PACRG: variants seen among roughly 807,000 people sequenced by gnomAD.
PACRG encodes the protein parkin coregulated, also known as parkin coregulated gene protein.
In PACRG, 29 loss-of-function variants were observed where a neutral mutation model predicts 29.7. The observed-to-expected ratio is 0.98, with a 90% CI of 0.73 to 1.33. The LOEUF is 1.33. Ranked by LOEUF, PACRG falls within the 40% of genes most tolerant of loss-of-function variation. PACRG has a pLI of 0.00. For missense variants in PACRG, 279 were observed against 316.2 expected (o/e 0.88, Z 0.89); for synonymous variants, 116 against 118.7 (o/e 0.98, Z 0.15).
At chr6:163,066,147 T>G (rs1811523737) in intron 3 of PACRG, among the ~76,000 whole-genome samples, 1 of 152,122 alleles carries the variant, frequency 6.6e-6, no homozygotes, top group Non-Finnish European at 1.5e-5. Flanking sequence ...GCCAAAAACT[T>G]TAAATTATAA....
chr6:162,948,551 A>T (rs540528668), intron 2 of PACRG, among the ~76,000 whole-genome samples: 1 of 152,290 alleles, frequency 6.6e-6, no homozygotes, highest in African/African-American at 2.4e-5. Flanking sequence ...ACTATATCAA[A>T]CTAAAACCTT....
chr6:162,744,159 G>A (rs577412553), intron 1 of PACRG, among the ~76,000 whole-genome samples: 3 of 152,054 alleles, frequency 2.0e-5, no homozygotes, highest in Non-Finnish European at 2.9e-5. Flanking sequence ...AAGTTTATTA[G>A]AGTTTTGGTC....
chr6:163,118,440 A>G (rs79497458), intron 4 of PACRG, among the ~76,000 whole-genome samples: 2,977 of 152,322 alleles, frequency 0.02, 102 homozygotes, highest in African/African-American at 0.068. Flanking sequence ...GTGTGATAGA[A>G]CATTACTAAT....
At chr6:163,198,280 C>T (rs1307760398) in intron 4 of PACRG, among the ~76,000 whole-genome samples, 1 of 152,066 alleles carries the variant, frequency 6.6e-6, no homozygotes, top group Non-Finnish European at 1.5e-5. Context: ...TATAATGAGT[C>T]AAGATAGCTC....
intron 2 of PACRG, among the ~76,000 whole-genome samples, chr6:162,967,330 A>G (rs1318561642): frequency 6.6e-6 from 1 of 152,046 alleles, no homozygotes; most frequent in Non-Finnish European, 1.5e-5. Flanking sequence ...TTTATTTCCT[A>G]TAGAAATCTG....
At chr6:162,732,522 G>A (rs938815881) in intron 1 of PACRG, among the ~76,000 whole-genome samples, 9 of 152,164 alleles carry the variant, frequency 5.9e-5, no homozygotes, top group Non-Finnish European at 1.2e-4. Flanking sequence ...CTGTAGCCAA[G>A]GAATATTGGG....
At chr6:163,023,383 C>T (rs925705307) in intron 2 of PACRG, among the ~76,000 whole-genome samples, 9 of 152,186 alleles carry the variant, frequency 5.9e-5, no homozygotes, top group East Asian at 3.9e-4. Context: ...GCTCTATTTA[C>T]GTTGCTGCAA....
intron 2 of PACRG, among the ~76,000 whole-genome samples, chr6:163,057,447 A>T (rs1181301376): frequency 2.0e-5 from 3 of 152,008 alleles, no homozygotes; most frequent in African/African-American, 7.3e-5. Context: ...ACAGAGTCTC[A>T]CTCTGTCACC....
At position 163,287,834 on chromosome 6, in the gene PACRG, C is replaced by A. The variant is rs543262176; in HGVS notation, c.614-26993C>A. ...GAAACCTCAGAACGGTGTGGCCCGA[C>A]CGTGGCCATGCTGAGGGTTTTGTGG... On this transcript the variant is annotated intron_variant, in intron 4 of 4. Transcript: ENST00000366888. Among the ~76,000 whole-genome samples, 54 of 152,274 alleles carry A rather than the reference C, an allele frequency of 3.5e-4. 2 individuals are homozygous for A. The South Asian group carries it at 0.01, about 29-fold the overall frequency.
At chr6:163,191,476 G>A (rs886835669) in intron 4 of PACRG, 3 of 351,852 alleles carry the variant, frequency 8.5e-6, no homozygotes, top group African/African-American at 6.4e-5. Context: ...ACCCTTGGGG[G>A]AGGTCACAGC....
chr6:162,895,838 ACCT>A (rs1158019996), intron 2 of PACRG, among the ~76,000 whole-genome samples: 2 of 152,156 alleles, frequency 1.3e-5, no homozygotes, highest in Non-Finnish European at 2.9e-5. Context: ...TGTTCTGGTC[ACCT>A]CCTCGGTGAA....
rs980763949 is a variant in PACRG at position 163,095,231 on chromosome 6, A to G, written c.613+5823A>G. On this transcript the variant is annotated intron_variant, in intron 4 of 4. Coordinates refer to ENST00000366888, the MANE Select transcript of PACRG (RefSeq NM_001080379.2). ...GCCTTTCCTCTTCACTGAGACTGCT[A>G]CATTTGAGTCTATTTTCAACCCAAA... 1.0e-5 allele frequency: 10 copies of G among 981,848 alleles called. No individual in the cohort carries two copies. In the African/African-American group the frequency reaches 1.4e-4, roughly 14 times the overall value. The allele number at this position is 981,848 out of a possible 1,614,324, so 60.8% of individuals were successfully genotyped here.
chr6:163,057,683 T>C (rs559646942), intron 2 of PACRG, among the ~76,000 whole-genome samples: 1 of 152,376 alleles, frequency 6.6e-6, no homozygotes, highest in Admixed American at 6.5e-5. Context: ...TTGTGGATTC[T>C]GCTTTTTAAA....
At chr6:163,221,153 T>C (rs913545477) in intron 4 of PACRG, among the ~76,000 whole-genome samples, 2 of 152,244 alleles carry the variant, frequency 1.3e-5, no homozygotes, top group African/African-American at 2.4e-5. Context: ...AAGCATTTCA[T>C]TATCTTGGAA....
chr6:163,270,382 A>T (rs1207299826), intron 4 of PACRG, among the ~76,000 whole-genome samples: 30 of 151,712 alleles, frequency 2.0e-4, no homozygotes, highest in Admixed American at 3.9e-4. Flanking sequence ...TTTTTTTTTT[A>T]AATTTCAGTG....
chr6:163,101,547 G>T, intron 4 of PACRG: 1 of 397,526 alleles, frequency 2.5e-6, no homozygotes, highest in Non-Finnish European at 3.4e-6. Flanking sequence ...GTAGGATAAT[G>T]ATATTCAAAG....
chr6:163,074,908 C>T lies in PACRG; in HGVS notation c.463+12587C>T, dbSNP rs148648638. On this transcript the variant is annotated intron_variant, in intron 3 of 4. Transcript: ENST00000366888. Reference sequence around the variant, plus strand: ...GAGTGGGAGGCTGAGGTGGGAGGATCGCATGAGCCCAGGAGCTCAGTGTTA... The same window carrying T: ...GAGTGGGAGGCTGAGGTGGGAGGATTGCATGAGCCCAGGAGCTCAGTGTTA... Among the ~76,000 whole-genome samples the T allele has an allele frequency of 6.6e-3, 998 of 152,134 alleles. 5 individuals carry two copies. The highest frequency in any genetic ancestry group is 0.017 in the African/African-American group (709 of 41,496).
chr6:163,067,134 CCT>C (rs1585134035), intron 3 of PACRG, among the ~76,000 whole-genome samples: 2 of 152,252 alleles, frequency 1.3e-5, no homozygotes, highest in South Asian at 2.1e-4. Flanking sequence ...GAACAGCCTT[CCT>C]GCTGTAGCAC....
chr6:163,274,009 T>G (rs1283749934), intron 4 of PACRG, among the ~76,000 whole-genome samples: 1 of 152,212 alleles, frequency 6.6e-6, no homozygotes, highest in African/African-American at 2.4e-5. Flanking sequence ...ATCTTTATTA[T>G]GTTGTTTTCT....
Sources: allele counts gnomAD v4.1 joint callset (sites outside exome capture counted in the v4.1 genomes callset), GRCh38; gene constraint gnomAD v4.1.1; transcripts MANE v1.5; gene names NCBI Gene and HGNC (gene_info 2026-07-23, HGNC 2026-07-21).